Variants in WNT2 observed in about 807,000 individuals in gnomAD.
WNT2 encodes the protein Wnt family member 2, also known as protein Wnt-2.
A neutral mutation model predicts 36.9 loss-of-function variants in WNT2; 12 were observed. The observed-to-expected ratio is 0.33, with a 90% CI of 0.21 to 0.53. The LOEUF (loss-of-function observed/expected upper bound fraction) is 0.53, where lower values mean the gene tolerates loss of function less well. WNT2 is among the 20% of genes least tolerant of loss of function. The probability of loss-of-function intolerance (pLI) is 0.95; values close to 1 mark genes in which losing one functional copy is unlikely to be tolerated. For synonymous variants in WNT2, 163 were observed against 174.6 expected, an observed-to-expected ratio of 0.93 and a Z score of 0.52; for missense variants, 379 against 473.1, an observed-to-expected ratio of 0.80 and a Z score of 1.84.
intron 4 of WNT2, among the ~76,000 whole-genome samples, chr7:117,281,184 G>T (rs934500320): frequency 1.8e-4 from 27 of 152,298 alleles, no homozygotes; most frequent in African/African-American, 6.3e-4. Flanking sequence ...GGCTATTAGG[G>T]ACAATGAGCA....
intron 3 of WNT2, among the ~76,000 whole-genome samples, chr7:117,308,331 T>A (rs1795051082): frequency 6.6e-6 from 1 of 152,224 alleles, no homozygotes. Context: ...GAATTTACAT[T>A]TGTGGAATTC....
intron 4 of WNT2, among the ~76,000 whole-genome samples, chr7:117,285,927 G>A (rs1401314767): frequency 6.6e-6 from 1 of 152,148 alleles, no homozygotes; most frequent in Non-Finnish European, 1.5e-5. Flanking sequence ...TTGCAGACTC[G>A]AAACTTCTTG....
chr7:117,287,076 C>T (rs562303106), intron 4 of WNT2, among the ~76,000 whole-genome samples: 13 of 152,320 alleles, frequency 8.5e-5, no homozygotes, highest in Admixed American at 1.3e-4. Context: ...CGGCCGGGCA[C>T]GGTGGCTCAC....
At chr7:117,290,380 G>A (rs1794667475) in intron 4 of WNT2, among the ~76,000 whole-genome samples, 1 of 152,006 alleles carries the variant, frequency 6.6e-6, no homozygotes, top group Non-Finnish European at 1.5e-5. Context: ...AGGAGGGAAA[G>A]GCTAATTATA....
chr7:117,281,098 A>G (rs1319948172), intron 4 of WNT2, among the ~76,000 whole-genome samples: 1 of 152,224 alleles, frequency 6.6e-6, no homozygotes, highest in Non-Finnish European at 1.5e-5. Context: ...AATGGGGTAA[A>G]CAGCAACCTG....
In WNT2 at chr7:117,276,579, C is replaced by T. The variant is rs1794382856; in HGVS notation, c.*1576G>A. ...CCAGTAGGTTGTTTTGTACGAGTCT[C>T]AGTCTAAATGACCTTACTGTATGGT... On this transcript the variant is annotated 3_prime_UTR_variant, in exon 5 of 5. Transcript: ENST00000265441. 1 of 152,210 alleles carries T rather than the reference C, an allele frequency of 6.6e-6. No homozygotes were observed. Among genetic ancestry groups the T allele is most frequent in the African/African-American group, 2.4e-5 (1 of 41,440 alleles). 9.4% of individuals were successfully genotyped at this position (152,210 alleles called of 1,614,324 possible). A position where few individuals can be genotyped will look rare whatever the true frequency, so the allele number is the denominator to read the frequency against.
chr7:117,303,914 T>A (rs1379675448), intron 3 of WNT2, among the ~76,000 whole-genome samples: 1 of 152,230 alleles, frequency 6.6e-6, no homozygotes, highest in Non-Finnish European at 1.5e-5. Context: ...TCACTTCTCC[T>A]CATTTACTGG....
chr7:117,320,522 G>A, intron 2 of WNT2, 45 bp downstream of exon 2: 1 of 1,552,244 alleles, frequency 6.4e-7, no homozygotes, highest in Non-Finnish European at 8.8e-7. Context: ...AGGGAGCTGT[G>A]CATGAGTGGA....
intron 3 of WNT2, among the ~76,000 whole-genome samples, chr7:117,303,824 G>T (rs1794959873): frequency 1.3e-5 from 2 of 152,130 alleles, no homozygotes; most frequent in African/African-American, 4.8e-5. Flanking sequence ...GTGAAGTTGG[G>T]TGTTTTCTCG....
At chr7:117,318,150 T>G (rs1387978695) in intron 2 of WNT2, among the ~76,000 whole-genome samples, 4 of 152,220 alleles carry the variant, frequency 2.6e-5, no homozygotes, top group African/African-American at 9.7e-5. Flanking sequence ...TTTGGTAATT[T>G]TATGTTCTTC....
chr7:117,276,704 C>A lies in WNT2; in HGVS notation c.*1451G>T, dbSNP rs1747139139. ...AAGGAAGTCATATACAGAATAAGAA[C>A]CAAATTTTTCAAGAAGACGAGAAGT... On this transcript the variant is annotated 3_prime_UTR_variant, in exon 5 of 5. Coordinates refer to ENST00000265441, the MANE Select transcript of WNT2 (RefSeq NM_003391.3). 6.6e-6 allele frequency: 1 copy of A among 152,144 alleles called. No individual in the cohort carries two copies. Among genetic ancestry groups the A allele is most frequent in the Non-Finnish European group, 1.5e-5 (1 of 68,024 alleles). The allele number at this position is 152,144 out of a possible 1,614,324, so 9.4% of individuals were successfully genotyped here.
Position 117,276,307 on chromosome 7 carries a change from T to G in WNT2, c.*1848A>C, listed in dbSNP as rs928254205. On this transcript the variant is annotated 3_prime_UTR_variant, in exon 5 of 5. Coordinates refer to ENST00000265441, the MANE Select transcript of WNT2 (RefSeq NM_003391.3). Reference sequence around the variant, plus strand: ...CCATGAAAGTGCCTTCGCACTCTCATGAAGGAATTCACACCAACCTTCAGG... The same window carrying G: ...CCATGAAAGTGCCTTCGCACTCTCAGGAAGGAATTCACACCAACCTTCAGG... Among the ~76,000 whole-genome samples the G allele has an allele frequency of 2.6e-5, 4 of 152,228 alleles. No homozygotes were observed. The highest frequency in any genetic ancestry group is 9.6e-5 in the African/African-American group (4 of 41,472).
chr7:117,308,263 C>T (rs923609204), intron 3 of WNT2, among the ~76,000 whole-genome samples: 2 of 152,198 alleles, frequency 1.3e-5, no homozygotes, highest in African/African-American at 4.8e-5. Flanking sequence ...TTCTTGAGCA[C>T]TGTCATTCTT....
At chr7:117,289,846 T>G (rs1324755553) in intron 4 of WNT2, among the ~76,000 whole-genome samples, 1 of 151,770 alleles carries the variant, frequency 6.6e-6, no homozygotes, top group African/African-American at 2.4e-5. Context: ...GACCTAGGGG[T>G]TGGTAGTAAG....
chr7:117,285,944 T>C (rs1794570987), intron 4 of WNT2, among the ~76,000 whole-genome samples: 2 of 152,158 alleles, frequency 1.3e-5, no homozygotes, highest in Non-Finnish European at 2.9e-5. Flanking sequence ...CTTGTCATCT[T>C]TATACCAAAC....
chr7:117,314,771 T>C (rs1795183069), intron 3 of WNT2, among the ~76,000 whole-genome samples: 1 of 152,196 alleles, frequency 6.6e-6, no homozygotes, highest in South Asian at 2.1e-4. Context: ...AACCCACAGT[T>C]CATATCTTCT....
chr7:117,314,716 T>A (rs907281780), intron 3 of WNT2, among the ~76,000 whole-genome samples: 1 of 152,202 alleles, frequency 6.6e-6, no homozygotes, highest in Non-Finnish European at 1.5e-5. Context: ...CCCTTAGATA[T>A]AAGCATTCAG....
chr7:117,286,777 A>G (rs1444663716), intron 4 of WNT2, among the ~76,000 whole-genome samples: 3 of 151,850 alleles, frequency 2.0e-5, no homozygotes, highest in Non-Finnish European at 4.4e-5. Context: ...AGGAAAGACA[A>G]TATCTTCACT....
intron 4 of WNT2, among the ~76,000 whole-genome samples, chr7:117,296,445 G>T (rs1315462716): frequency 3.9e-5 from 6 of 152,092 alleles, no homozygotes; most frequent in Admixed American, 3.9e-4. Context: ...CTGACAGCTG[G>T]CTGCCATCCA....
Sources: gnomAD v4.1 joint callset for allele counts (sites outside exome capture counted in the v4.1 genomes callset) on GRCh38, gnomAD v4.1.1 for gene constraint, MANE v1.5 for transcripts, NCBI Gene and HGNC (gene_info 2026-07-23, HGNC 2026-07-21) for gene names.